The following DMXL2 variants were observed in gnomAD, a reference collection of about 807,000 sequenced individuals.
DMXL2 encodes the protein dmX-like protein 2.
In DMXL2, 103 loss-of-function variants were observed where a neutral mutation model predicts 331.1. The ratio of observed to expected loss-of-function variants is 0.31; its 90% CI spans 0.27 to 0.37. DMXL2 has a LOEUF of 0.37. Ranked by LOEUF, DMXL2 falls within the 10% of genes least tolerant of loss-of-function variation. The probability of loss-of-function intolerance (pLI) is 1.00; values close to 1 mark genes in which losing one functional copy is unlikely to be tolerated. For synonymous variants in DMXL2, 1,281 were observed against 1,252.1 expected, an observed-to-expected ratio of 1.02 and a Z score of -0.49; for missense variants, 3,171 against 3,642.9, an observed-to-expected ratio of 0.87 and a Z score of 3.33.
At chr15:51,574,143 TG>T (rs2050857960) in intron 2 of DMXL2, among the ~76,000 whole-genome samples, 1 of 152,146 alleles carries the variant, frequency 6.6e-6, no homozygotes, top group Non-Finnish European at 1.5e-5. Context: ...AAACTGCACC[TG>T]GGGGAAAGAG....
At chr15:51,452,787 G>A (rs575175505) in intron 41 of DMXL2, among the ~76,000 whole-genome samples, 162 of 152,304 alleles carry the variant, frequency 1.1e-3, no homozygotes, top group African/African-American at 3.7e-3. Context: ...AAAGACACTT[G>A]CACATGCCTG....
Position 51,458,575 on chromosome 15 carries a change from T to C in DMXL2, c.8129A>G (p.Asp2710Gly). 1 of 1,613,984 alleles carries C rather than the reference T, an allele frequency of 6.2e-7. No homozygotes were observed. The highest frequency in any genetic ancestry group is 8.5e-7 in the Non-Finnish European group (1 of 1,179,872). ...LASTHDVQEL[D>G]VTSLLACQSY... is the part of the protein sequence containing the mutation. ...CTGACAGGCCAGTAGAGAAGTAACA[T>C]CAAGTTCTTGAACATCATGTGTTGA... The change falls in exon 36 of 44, where the codon GAT becomes GGT. Residue 2710 changes from aspartate (D) to glycine (G), a missense_variant. Physicochemically the swap from Asp to Gly is moderately conservative, Grantham distance 94. Transcript: ENST00000560891.
intron 1 of DMXL2, among the ~76,000 whole-genome samples, chr15:51,617,156 C>A (rs1375935369): frequency 6.6e-6 from 1 of 152,048 alleles, no homozygotes. Flanking sequence ...CTGATTTGTT[C>A]TAAAAATTTA....
At chr15:51,520,660 C>T (rs1247656273) in intron 13 of DMXL2, among the ~76,000 whole-genome samples, 6 of 152,204 alleles carry the variant, frequency 3.9e-5, no homozygotes, top group African/African-American at 1.4e-4. Context: ...AGTTTGAGAC[C>T]AGCCTGGCCA....
chr15:51,563,922 T>C (rs2141041885), intron 5 of DMXL2, among the ~76,000 whole-genome samples: 1 of 152,182 alleles, frequency 6.6e-6, no homozygotes, highest in Non-Finnish European at 1.5e-5. Context: ...ACTATGAAAA[T>C]ACTTTCATCC....
At chr15:51,501,614 C>T (rs1440577266) in intron 17 of DMXL2, among the ~76,000 whole-genome samples, 2 of 152,148 alleles carry the variant, frequency 1.3e-5, no homozygotes, top group Admixed American at 6.5e-5. Context: ...AGGCAAGACA[C>T]CTCACATTAA....
At chr15:51,527,840 G>A (rs752513424) in intron 13 of DMXL2, among the ~76,000 whole-genome samples, 1 of 151,986 alleles carries the variant, frequency 6.6e-6, no homozygotes, top group Non-Finnish European at 1.5e-5. Context: ...TAAGTAGAAA[G>A]ACTAAATGAT....
intron 15 of DMXL2, among the ~76,000 whole-genome samples, chr15:51,511,619 G>A (rs2046760089): frequency 6.6e-6 from 1 of 152,214 alleles, no homozygotes; most frequent in African/African-American, 2.4e-5. Flanking sequence ...AACCATTGTG[G>A]AAGACAGTGT....
chr15:51,545,863 CA>C (rs2048860817), intron 7 of DMXL2, 97 bp from the exon 8 acceptor site: 1 of 946,636 alleles, frequency 1.1e-6, no homozygotes, highest in Non-Finnish European at 1.6e-6. Context: ...AACATTAGTG[CA>C]AAACACTATG....
chr15:51,457,008 C>T (rs2039681649), intron 37 of DMXL2, among the ~76,000 whole-genome samples: 1 of 151,986 alleles, frequency 6.6e-6, no homozygotes, highest in Non-Finnish European at 1.5e-5. Context: ...CCCATCCCTA[C>T]AAAAAATACA....
Position 51,538,639 on chromosome 15 carries a change from T to A in DMXL2, c.1106-187A>T, listed in dbSNP as rs945742970. Among the ~76,000 whole-genome samples, 9 of 152,212 alleles carry A rather than the reference T, an allele frequency of 5.9e-5. No individual in the cohort carries two copies. In the South Asian group the frequency reaches 8.3e-4, roughly 14 times the overall value. On this transcript the variant is annotated intron_variant, in intron 9 of 43. Transcript: ENST00000560891. ...ATCTTAAGAATTAATGATAGACATA[T>A]GAAATTAAACTATTAACTTAAAAAC...
rs760409403 is a variant in DMXL2, at chr15:51,463,485, G to T, written c.7820C>A (p.Ser2607Tyr). ...PENTPFKSRD[S>Y]SAFPVKRLWH... Reference sequence around the variant, plus strand: ...AAGTCGTTTGACTGGAAATGCAGAAGAATCCCGGGACCTATTAAAAAAAAT... The same window carrying T: ...AAGTCGTTTGACTGGAAATGCAGAATAATCCCGGGACCTATTAAAAAAAAT... The change falls in exon 33 of 44, where the codon TCT becomes TAT. Residue 2607 changes from serine to tyrosine, a missense_variant. This residue lies in a region of DMXL2 where 766 missense variants were observed against 940.5 expected (regional missense o/e 0.81). Transcript: ENST00000560891. The T allele has an allele frequency of 6.3e-7, 1 of 1,590,916 alleles. No individual in the cohort carries two copies. Among genetic ancestry groups the T allele is most frequent in the African/African-American group, 1.4e-5 (1 of 73,610 alleles).
chr15:51,479,703 T>C (rs904271147), intron 25 of DMXL2, among the ~76,000 whole-genome samples: 10 of 152,212 alleles, frequency 6.6e-5, no homozygotes, highest in African/African-American at 2.4e-4. Context: ...GTAGCAAGAA[T>C]ACTGTCAAGA....
At position 51,449,137 on chromosome 15, in the gene DMXL2, C is replaced by CTTAGCATGTTCACTT; in HGVS notation, c.9009_9023dup (p.Ser3004_Lys3008dup). 1 of 1,614,152 alleles carries CTTAGCATGTTCACTT rather than the reference C, an allele frequency of 6.2e-7. No homozygotes were observed. The highest frequency in any genetic ancestry group is 8.5e-7 in the Non-Finnish European group (1 of 1,180,010). On this transcript the variant is annotated inframe_insertion, in exon 44 of 44. Coordinates refer to ENST00000560891, the MANE Select transcript of DMXL2 (RefSeq NM_001378457.1). ...CCCCAATGTTTCGAAATATGGACTGCTTAGCATGTTCACTTTTAAATGAAT... is the reference window on the plus strand; with the variant it reads ...CCCCAATGTTTCGAAATATGGACTGCTTAGCATGTTCACTTTTAGCATGTTCACTTTTAAATGAAT...
At chr15:51,608,606 G>A (rs748918737) in intron 1 of DMXL2, among the ~76,000 whole-genome samples, 3 of 152,158 alleles carry the variant, frequency 2.0e-5, no homozygotes, top group Non-Finnish European at 2.9e-5. Context: ...AAGAGTGGAA[G>A]GAAGGAAGAG....
At position 51,486,313 on chromosome 15, in the gene DMXL2, T is replaced by C. The variant is rs770698313; in HGVS notation, c.5242A>G (p.Ile1748Val). 1 of 1,596,030 alleles carries C rather than the reference T, an allele frequency of 6.3e-7. No individual in the cohort carries two copies. Among genetic ancestry groups the C allele is most frequent in the South Asian group, 1.1e-5 (1 of 90,178 alleles). The change falls in exon 23 of 44, where the codon ATT becomes GTT. Residue 1748 changes from isoleucine (I) to valine (V), a missense_variant. Transcript: ENST00000560891. ...IEVCLEKMED[I>V]QLAMVIARLY... is the part of the protein sequence containing the mutation. ...CGGGCAATAACCATGGCTAGCTGAATATCTTCCATTTTTTCAAGACATACC... is the reference window on the plus strand; with the variant it reads ...CGGGCAATAACCATGGCTAGCTGAACATCTTCCATTTTTTCAAGACATACC...
At chr15:51,463,740 C>G (rs2040327593) in intron 32 of DMXL2, among the ~76,000 whole-genome samples, 1 of 152,128 alleles carries the variant, frequency 6.6e-6, no homozygotes, top group African/African-American at 2.4e-5. Context: ...ACTGAATGAA[C>G]CAGTTAAGCT....
rs75731549 is a variant in DMXL2, at chr15:51,483,594, C to T, written c.5483-1971G>A. 9.9e-4 allele frequency among the ~76,000 whole-genome samples: 151 copies of T among 152,312 alleles called. 2 individuals are homozygous for T. The East Asian group carries it at 0.024, about 24-fold the overall frequency. On this transcript the variant is annotated intron_variant, in intron 23 of 43. Transcript: ENST00000560891. ...TCCAAGCCTACGAGCAGCTGATATG[C>T]CCCCAGGCCAGCAAAGCAGCTACAT...
Position 51,474,549 on chromosome 15 carries a change from T to C in DMXL2, c.7008A>G (p.Glu2336=). The C allele has an allele frequency of 6.2e-7, 1 of 1,614,100 alleles. No individual in the cohort carries two copies. The highest frequency in any genetic ancestry group is 1.1e-5 in the South Asian group (1 of 91,078). ...GCAAAATGTTCAGTTTTGGCTGGTC[T>C]TCATCTTGGGCTGAACTCAAAAGAT... The part of the protein sequence containing the change: ...LINLLSSAQD[E]DQPKLNILLC... Residue 2336 remains glutamate, a synonymous_variant, in exon 28 of 44, where the codon GAA becomes GAG. Transcript: ENST00000560891.
Sources: gnomAD v4.1 joint callset for allele counts (sites outside exome capture counted in the v4.1 genomes callset) on GRCh38, gnomAD v4.1.1 for gene constraint, gnomAD v4.1.1 regional missense constraint, MANE v1.5 for transcripts, NCBI Gene and HGNC (gene_info 2026-07-23, HGNC 2026-07-21) for gene names.